The following PALLD variants were observed in gnomAD, a reference collection of about 807,000 sequenced individuals.
PALLD encodes palladin.
A neutral mutation model predicts 123.5 loss-of-function variants in PALLD; 61 were observed. The ratio of observed to expected loss-of-function variants is 0.49; its 90% CI spans 0.40 to 0.61. The LOEUF is 0.61. Among genes scored for constraint, PALLD ranks in the 20% least tolerant of loss-of-function variants. PALLD has a pLI of 0.00. For synonymous variants in PALLD, 465 were observed against 496.4 expected, an observed-to-expected ratio of 0.94 and a Z score of 0.84; for missense variants, 1,273 against 1,377.0, an observed-to-expected ratio of 0.92 and a Z score of 1.20.
intron 2 of PALLD, among the ~76,000 whole-genome samples, chr4:168,524,869 G>A (rs1174636064): frequency 6.6e-6 from 1 of 152,182 alleles, no homozygotes; most frequent in Non-Finnish European, 1.5e-5. Context: ...ACATGAGGAA[G>A]AGCCAGCGTC....
intron 2 of PALLD, among the ~76,000 whole-genome samples, chr4:168,589,690 G>A (rs2149683776): frequency 6.6e-6 from 1 of 152,304 alleles, no homozygotes; most frequent in South Asian, 2.1e-4. Context: ...TGCTAAGCAT[G>A]AGAGGCATTG....
intron 10 of PALLD, chr4:168,878,467 TACACGCGCTCCC>T: frequency 1.7e-6 from 2 of 1,167,604 alleles, no homozygotes; most frequent in Non-Finnish European, 2.3e-6. Context: ...CACATCTCCA[TACACGCGCTCCC>T]ATCAGCCTGC....
intron 2 of PALLD, among the ~76,000 whole-genome samples, chr4:168,641,931 A>G (rs1451991256): frequency 6.6e-6 from 1 of 152,244 alleles, no homozygotes. Flanking sequence ...GGAGGCGGAT[A>G]GATGACTAGG....
At chr4:168,668,786 G>C (rs1043282468) in intron 3 of PALLD, among the ~76,000 whole-genome samples, 1 of 152,098 alleles carries the variant, frequency 6.6e-6, no homozygotes, top group African/African-American at 2.4e-5. Context: ...CTAAATTCTA[G>C]AATTTTGTCT....
At chr4:168,605,469 C>A (rs1773071571) in intron 2 of PALLD, among the ~76,000 whole-genome samples, 1 of 152,096 alleles carries the variant, frequency 6.6e-6, no homozygotes, top group Non-Finnish European at 1.5e-5. Context: ...AAAAAATGCC[C>A]CCACCAATGA....
intron 10 of PALLD, among the ~76,000 whole-genome samples, chr4:168,845,825 A>T (rs1401708812): frequency 6.6e-6 from 1 of 152,242 alleles, no homozygotes; most frequent in Non-Finnish European, 1.5e-5. Flanking sequence ...TTTAAATAGT[A>T]ATGTAATGAA....
At chr4:168,866,968 G>A (rs1750377716) in intron 10 of PALLD, among the ~76,000 whole-genome samples, 1 of 152,196 alleles carries the variant, frequency 6.6e-6, no homozygotes, top group Admixed American at 6.5e-5. Flanking sequence ...TGTGTCTGAG[G>A]AAGTCGCATT....
At chr4:168,524,293 AGTG>A (rs1483186959) in intron 2 of PALLD, among the ~76,000 whole-genome samples, 2 of 152,186 alleles carry the variant, frequency 1.3e-5, no homozygotes. Flanking sequence ...AATGGTATCT[AGTG>A]GTGATTTCAT....
At chr4:168,592,173 C>T (rs1207072693) in intron 2 of PALLD, among the ~76,000 whole-genome samples, 4 of 151,938 alleles carry the variant, frequency 2.6e-5, no homozygotes, top group African/African-American at 9.7e-5. Context: ...CGCACCACCA[C>T]GCACCTGTAA....
At chr4:168,728,276 A>C (rs775558002) in intron 10 of PALLD, among the ~76,000 whole-genome samples, 1 of 152,178 alleles carries the variant, frequency 6.6e-6, no homozygotes, top group Non-Finnish European at 1.5e-5. Context: ...AATAGCATTG[A>C]ATCTGTAAGT....
chr4:168,779,608 A>G (rs1035559041), intron 10 of PALLD, among the ~76,000 whole-genome samples: 3 of 151,970 alleles, frequency 2.0e-5, no homozygotes, highest in Non-Finnish European at 2.9e-5. Flanking sequence ...AGATTCTGTG[A>G]CTTATTTGGC....
chr4:168,559,139 G>A (rs1172380535), intron 2 of PALLD, among the ~76,000 whole-genome samples: 3 of 152,166 alleles, frequency 2.0e-5, no homozygotes, highest in African/African-American at 2.4e-5. Flanking sequence ...ATAGTAAAGT[G>A]TAAATGGAAC....
chr4:168,721,636 T>A (rs1455093073), intron 10 of PALLD, among the ~76,000 whole-genome samples: 1 of 152,206 alleles, frequency 6.6e-6, no homozygotes, highest in Non-Finnish European at 1.5e-5. Context: ...AGTATTATTT[T>A]AAAATAAATA....
intron 10 of PALLD, among the ~76,000 whole-genome samples, chr4:168,728,499 A>G (rs999493504): frequency 3.3e-5 from 5 of 152,066 alleles, no homozygotes; most frequent in African/African-American, 1.2e-4. Context: ...TTTGACTTTC[A>G]GTGTGGACAT....
At position 168,524,445 on chromosome 4, in the gene PALLD, T is replaced by A. The variant is rs1580126571; in HGVS notation, c.908+12033T>A. Among the ~76,000 whole-genome samples the A allele has an allele frequency of 3.3e-5, 5 of 152,282 alleles. No homozygotes were observed. The South Asian group carries it at 1.0e-3, about 32-fold the overall frequency. On this transcript the variant is annotated intron_variant, in intron 2 of 21. Transcript: ENST00000505667. Reference sequence around the variant, plus strand: ...ACACTGAGACAAACTGGCTCCTGGGTCTATACTTTTTTGTTTCTAATTTTT... The same window carrying A: ...ACACTGAGACAAACTGGCTCCTGGGACTATACTTTTTTGTTTCTAATTTTT...
chr4:168,624,403 C>G (rs1005286838), intron 2 of PALLD, among the ~76,000 whole-genome samples: 14 of 151,980 alleles, frequency 9.2e-5, no homozygotes, highest in Non-Finnish European at 1.9e-4. Flanking sequence ...ATCCACCCCC[C>G]GCAAAAAAGC....
At chr4:168,702,322 G>A (rs1399082261) in intron 8 of PALLD, among the ~76,000 whole-genome samples, 3 of 152,136 alleles carry the variant, frequency 2.0e-5, no homozygotes, top group South Asian at 2.1e-4. Flanking sequence ...AGGCTGAGGC[G>A]GGTGGATCAC....
intron 3 of PALLD, among the ~76,000 whole-genome samples, chr4:168,677,078 A>G (rs1476113198): frequency 6.6e-6 from 1 of 152,198 alleles, no homozygotes; most frequent in Non-Finnish European, 1.5e-5. Context: ...TACAAGGGCT[A>G]GAACATGTAA....
At chr4:168,695,358 G>A (rs1321442593) in intron 8 of PALLD, among the ~76,000 whole-genome samples, 2 of 152,188 alleles carry the variant, frequency 1.3e-5, no homozygotes, top group African/African-American at 2.4e-5. Flanking sequence ...AACAAAAGTA[G>A]GCCATATGAA....
Sources: gnomAD v4.1 joint callset for allele counts (sites outside exome capture counted in the v4.1 genomes callset) on GRCh38, gnomAD v4.1.1 for gene constraint, MANE v1.5 for transcripts, NCBI Gene and HGNC (gene_info 2026-07-23, HGNC 2026-07-21) for gene names.